Variants in SLC4A10 observed in about 807,000 individuals in gnomAD.
The protein encoded by SLC4A10 is solute carrier family 4 member 10, also known as sodium-driven chloride bicarbonate exchanger.
In SLC4A10, 42 loss-of-function variants were observed where a neutral mutation model predicts 137.7. The ratio of observed to expected loss-of-function variants is 0.30; its 90% CI spans 0.24 to 0.39. The LOEUF is 0.39. SLC4A10 is among the 10% of genes least tolerant of loss of function. SLC4A10 has a pLI of 1.00. For synonymous variants in SLC4A10, 474 were observed against 464.1 expected, an observed-to-expected ratio of 1.02 and a Z score of -0.27; for missense variants, 925 against 1,355.0, an observed-to-expected ratio of 0.68 and a Z score of 4.98.
intron 1 of SLC4A10, among the ~76,000 whole-genome samples, chr2:161,719,548 T>A (rs1233180445): frequency 2.0e-5 from 3 of 152,056 alleles, no homozygotes; most frequent in Non-Finnish European, 4.4e-5. Flanking sequence ...TTTCTCTACA[T>A]CCTCTCCAGC....
intron 15 of SLC4A10, among the ~76,000 whole-genome samples, chr2:161,920,169 C>A (rs1687861719): frequency 6.6e-6 from 1 of 152,228 alleles, no homozygotes; most frequent in African/African-American, 2.4e-5. Flanking sequence ...GAGCTGAGCA[C>A]AACCTGCCAG....
chr2:161,661,007 A>G (rs1003584722), intron 1 of SLC4A10, among the ~76,000 whole-genome samples: 1 of 152,054 alleles, frequency 6.6e-6, no homozygotes, highest in African/African-American at 2.4e-5. Context: ...AGCTTTGATT[A>G]TATGAATAAG....
At chr2:161,753,078 T>A (rs1027925002) in intron 1 of SLC4A10, among the ~76,000 whole-genome samples, 2 of 152,108 alleles carry the variant, frequency 1.3e-5, no homozygotes, top group Non-Finnish European at 2.9e-5. Flanking sequence ...GAGGATAAAA[T>A]GAAGTATTTC....
intron 6 of SLC4A10, among the ~76,000 whole-genome samples, chr2:161,866,379 A>G (rs757761930): frequency 1.1e-4 from 16 of 152,000 alleles, no homozygotes; most frequent in Non-Finnish European, 2.1e-4. Flanking sequence ...TCTCATCTCT[A>G]AACACACTAG....
At chr2:161,666,673 T>C (rs1450688958) in intron 1 of SLC4A10, among the ~76,000 whole-genome samples, 1 of 151,672 alleles carries the variant, frequency 6.6e-6, no homozygotes, top group Non-Finnish European at 1.5e-5. Flanking sequence ...TAACAAATAA[T>C]AAAGAGTATG....
At chr2:161,825,046 C>T (rs1182871002) in intron 3 of SLC4A10, among the ~76,000 whole-genome samples, 1 of 152,070 alleles carries the variant, frequency 6.6e-6, no homozygotes, top group Admixed American at 6.6e-5. Flanking sequence ...TTGTGATTTT[C>T]TTGTTTTCTC....
intron 10 of SLC4A10, among the ~76,000 whole-genome samples, chr2:161,888,937 T>A (rs1012803233): frequency 2.2e-4 from 33 of 152,210 alleles, no homozygotes; most frequent in African/African-American, 8.0e-4. Context: ...TAAATAGCTC[T>A]TATTATTTTG....
chr2:161,793,508 C>T (rs1457588353), intron 2 of SLC4A10, among the ~76,000 whole-genome samples: 1 of 150,988 alleles, frequency 6.6e-6, no homozygotes, highest in East Asian at 2.0e-4. Context: ...CCTCCTCGTT[C>T]TATCTTTCCT....
intron 1 of SLC4A10, among the ~76,000 whole-genome samples, chr2:161,660,404 T>C (rs1371714754): frequency 3.3e-5 from 5 of 152,188 alleles, no homozygotes; most frequent in Admixed American, 2.6e-4. Context: ...AATATAGTTA[T>C]GTATTGATGA....
At chr2:161,867,814 A>G (rs974776989) in intron 6 of SLC4A10, among the ~76,000 whole-genome samples, 14 of 151,928 alleles carry the variant, frequency 9.2e-5, no homozygotes, top group Non-Finnish European at 1.6e-4. Context: ...ACATGTATGT[A>G]ACTTTGTCAT....
intron 15 of SLC4A10, among the ~76,000 whole-genome samples, chr2:161,926,175 T>C (rs1208215039): frequency 6.8e-6 from 1 of 146,204 alleles, no homozygotes; most frequent in East Asian, 2.0e-4. Context: ...CATTATTATT[T>C]TGTGGGAGTC....
intron 4 of SLC4A10, among the ~76,000 whole-genome samples, chr2:161,847,249 G>GT (rs1243016747): frequency 2.0e-5 from 3 of 150,622 alleles, no homozygotes; most frequent in African/African-American, 4.9e-5. Flanking sequence ...TCTCAAAAAA[G>GT]TTTTTTTTAA....
chr2:161,901,468 A>G (rs1337535531), intron 12 of SLC4A10, among the ~76,000 whole-genome samples: 1 of 152,150 alleles, frequency 6.6e-6, no homozygotes, highest in Non-Finnish European at 1.5e-5. Flanking sequence ...TTATTTTTCT[A>G]ATCACACATC....
rs144958604 is a variant in SLC4A10, at chr2:161,727,694, A to G, written c.49-43279A>G. Among the ~76,000 whole-genome samples the G allele has an allele frequency of 2.4e-3, 366 of 152,308 alleles. 1 individual carries two copies. Among genetic ancestry groups the G allele is most frequent in the African/African-American group, 8.3e-3 (344 of 41,584 alleles). On this transcript the variant is annotated intron_variant, in intron 1 of 26. Transcript: ENST00000446997. Reference sequence around the variant, plus strand: ...ACTAAACACAATGAAAGGAAAATAAAGATGAGGTAATCTCCAAGAAAATTG... The same window carrying G: ...ACTAAACACAATGAAAGGAAAATAAGGATGAGGTAATCTCCAAGAAAATTG...
At position 161,944,598 on chromosome 2, in the gene SLC4A10, C is replaced by CTT. The variant is rs553294302; in HGVS notation, c.2103+1709_2103+1710dup. Among the ~76,000 whole-genome samples the CTT allele has an allele frequency of 9.3e-5, 14 of 149,792 alleles. No homozygotes were observed. The South Asian group carries it at 2.5e-3, about 27-fold the overall frequency. ...ATTGTGGGGTTGTTGGTTTTTTTCTCTTTTTTTTTGTCATTTTAAAAAGTT... is the reference window on the plus strand; with the variant it reads ...ATTGTGGGGTTGTTGGTTTTTTTCTCTTTTTTTTTTTGTCATTTTAAAAAGTT... On this transcript the variant is annotated intron_variant, in intron 16 of 26. Transcript: ENST00000446997.
intron 3 of SLC4A10, among the ~76,000 whole-genome samples, chr2:161,806,727 T>C (rs1353598180): frequency 6.6e-6 from 1 of 152,142 alleles, no homozygotes; most frequent in Non-Finnish European, 1.5e-5. Context: ...ATCAAGCTTT[T>C]GGTCAAAGCC....
intron 3 of SLC4A10, among the ~76,000 whole-genome samples, chr2:161,833,437 A>G (rs935414931): frequency 1.3e-5 from 2 of 152,250 alleles, no homozygotes; most frequent in Admixed American, 6.5e-5. Context: ...GATTGGTTTC[A>G]TAATGCTAAT....
intron 6 of SLC4A10, among the ~76,000 whole-genome samples, chr2:161,867,397 C>G (rs1206717892): frequency 6.6e-6 from 1 of 151,886 alleles, no homozygotes; most frequent in African/African-American, 2.4e-5. Context: ...AAAAATAAAG[C>G]TAGAATAATA....
At chr2:161,978,115 T>A (rs1169088997) in intron 26 of SLC4A10, among the ~76,000 whole-genome samples, 1 of 152,072 alleles carries the variant, frequency 6.6e-6, no homozygotes, top group East Asian at 1.9e-4. Context: ...CCTGGTGTGG[T>A]GACTCATGCT....
Sources: gnomAD v4.1 joint callset for allele counts (sites outside exome capture counted in the v4.1 genomes callset) on GRCh38, gnomAD v4.1.1 for gene constraint, MANE v1.5 for transcripts, NCBI Gene and HGNC (gene_info 2026-07-23, HGNC 2026-07-21) for gene names.